Variants in DIPK1C observed in about 807,000 individuals in gnomAD.
The protein encoded by DIPK1C is divergent protein kinase domain 1C.
In DIPK1C, 33 loss-of-function variants were observed where a neutral mutation model predicts 28.0. That is an observed-to-expected ratio of 1.18 (90% CI 0.89 to 1.58). DIPK1C has a LOEUF of 1.58. Among genes scored for constraint, DIPK1C ranks in the 40% most tolerant of loss-of-function variants. The probability of loss-of-function intolerance (pLI) is 0.00; values close to 1 mark genes in which losing one functional copy is unlikely to be tolerated. For missense variants in DIPK1C, 569 were observed against 568.5 expected (o/e 1.00, Z -0.01); for synonymous variants, 255 against 248.8 (o/e 1.02, Z -0.23).
the DIPK1C span, among the ~76,000 whole-genome samples, chr18:74,464,024 G>T: frequency 6.6e-6 from 1 of 152,130 alleles, no homozygotes; most frequent in Non-Finnish European, 1.5e-5. Flanking sequence ...AGGATCAGGT[G>T]GTTACTAAAG....
chr18:74,435,557 G>A lies in DIPK1C; in HGVS notation c.*944C>T, dbSNP rs2144507103. ...GCTCTACTTTAAATTTTCTCTGAAG[G>A]TGAAGACAATGCTGCATCAAGCCAA... On this transcript the variant is annotated 3_prime_UTR_variant, in exon 4 of 4. Coordinates refer to ENST00000343998, the MANE Select transcript of DIPK1C (RefSeq NM_001044369.3). The A allele has an allele frequency of 6.6e-6, 1 of 152,284 alleles. No homozygotes were observed. Among genetic ancestry groups the A allele is most frequent in the Non-Finnish European group, 1.5e-5 (1 of 68,026 alleles). 9.4% of individuals were successfully genotyped at this position (152,284 alleles called of 1,614,324 possible).
chr18:74,463,012 G>T, the DIPK1C span, among the ~76,000 whole-genome samples: 1 of 152,170 alleles, frequency 6.6e-6, no homozygotes, highest in African/African-American at 2.4e-5. Context: ...TGACCTAGTG[G>T]CAAGAGCCTG....
chr18:74,437,952 T>C (rs1599034194), intron 3 of DIPK1C, among the ~76,000 whole-genome samples: 3 of 152,332 alleles, frequency 2.0e-5, no homozygotes, highest in Admixed American at 2.0e-4. Flanking sequence ...AGTGCAGTGG[T>C]GCCATCTTGG....
chr18:74,451,244 G>C (rs1986390947), intron 1 of DIPK1C, among the ~76,000 whole-genome samples: 1 of 152,212 alleles, frequency 6.6e-6, no homozygotes, highest in Non-Finnish European at 1.5e-5. Context: ...CCTGGGAGGA[G>C]AGGGCACAGT....
At chr18:74,438,985 G>A (rs965301354) in intron 3 of DIPK1C, among the ~76,000 whole-genome samples, 2 of 152,194 alleles carry the variant, frequency 1.3e-5, no homozygotes, top group African/African-American at 4.8e-5. Flanking sequence ...AGGGAATAAG[G>A]CCCCTTCCAC....
intron 3 of DIPK1C, among the ~76,000 whole-genome samples, chr18:74,440,781 T>C (rs751966592): frequency 1.3e-5 from 2 of 152,180 alleles, no homozygotes; most frequent in Non-Finnish European, 2.9e-5. Flanking sequence ...CGCAAGGCGG[T>C]GGATGCTCAG....
upstream of DIPK1C, among the ~76,000 whole-genome samples, chr18:74,458,326 G>A (rs1599044697): frequency 6.6e-6 from 1 of 152,156 alleles, no homozygotes; most frequent in South Asian, 2.1e-4. Flanking sequence ...GCCCATCCCG[G>A]ATCGCTCTCC....
At chr18:74,440,054 C>A (rs1986086075) in intron 3 of DIPK1C, among the ~76,000 whole-genome samples, 1 of 151,634 alleles carries the variant, frequency 6.6e-6, no homozygotes, top group African/African-American at 2.4e-5. Context: ...ACGCCATTCT[C>A]CTGCCTCAGC....
chr18:74,440,403 T>A (rs1186723110), intron 3 of DIPK1C, among the ~76,000 whole-genome samples: 1 of 152,168 alleles, frequency 6.6e-6, no homozygotes, highest in Non-Finnish European at 1.5e-5. Flanking sequence ...AACAGCCACA[T>A]CCCCTCAAGA....
chr18:74,439,788 T>G (rs1986077667), intron 3 of DIPK1C, among the ~76,000 whole-genome samples: 1 of 152,112 alleles, frequency 6.6e-6, no homozygotes, highest in Non-Finnish European at 1.5e-5. Flanking sequence ...CCACTGCACT[T>G]TGGCCTGGGT....
chr18:74,456,431 T>C (rs901818435), intron 1 of DIPK1C, among the ~76,000 whole-genome samples: 10 of 152,232 alleles, frequency 6.6e-5, no homozygotes, highest in African/African-American at 2.4e-4. Context: ...CCCGGGATCC[T>C]CCCGGTCCCA....
In DIPK1C at chr18:74,457,173, G is replaced by A. The variant is rs963942815; in HGVS notation, c.87C>T (p.Ala29=). ...CCAGCACCCAGCCCGCGGTCCACGC[G>A]GCGAAGGCGAGGAGCGTGCCCCGCC... ...RCGRGTLLAF[A]AWTAGWVLAA... The change falls in exon 1 of 4, where the codon GCC becomes GCT. Residue 29 remains alanine, a synonymous_variant. Coordinates refer to ENST00000343998, the MANE Select transcript of DIPK1C (RefSeq NM_001044369.3). 16 of 1,364,048 alleles carry A rather than the reference G, an allele frequency of 1.2e-5. No homozygotes were observed. Among genetic ancestry groups the A allele is most frequent in the Non-Finnish European group, 1.5e-5 (16 of 1,061,926 alleles). 84.5% of individuals were successfully genotyped at this position (1,364,048 alleles called of 1,614,324 possible). A position where few individuals can be genotyped will look rare whatever the true frequency, so the allele number is the denominator to read the frequency against.
At position 74,436,703 on chromosome 18, in the gene DIPK1C, AT is replaced by A; in HGVS notation, c.1057del (p.Ile353TyrfsTer59). ...AGGCGCGGAAAACCAATGGCGAAATATTTTGTCACAGATGACCTGAGGGAAA... is the reference window on the plus strand; with the variant it reads ...AGGCGCGGAAAACCAATGGCGAAATATTTGTCACAGATGACCTGAGGGAAA... ...NNNLQVICDK[I>X]FRHWFSAPLK... is the part of the protein sequence containing the mutation. On this transcript the variant is annotated frameshift_variant, in exon 4 of 4. Coordinates refer to ENST00000343998, the MANE Select transcript of DIPK1C (RefSeq NM_001044369.3). LOFTEE classifies it low-confidence loss of function (END_TRUNC). The A allele has an allele frequency of 6.2e-7, 1 of 1,612,884 alleles. No homozygotes were observed. Among genetic ancestry groups the A allele is most frequent in the Non-Finnish European group, 8.5e-7 (1 of 1,179,500 alleles).
intron 1 of DIPK1C, among the ~76,000 whole-genome samples, chr18:74,456,604 G>T (rs1986519016): frequency 6.6e-6 from 1 of 152,212 alleles, no homozygotes; most frequent in African/African-American, 2.4e-5. Flanking sequence ...GCTCAGGGTG[G>T]AATCACAGAA....
rs1986307906 is a variant in DIPK1C at position 74,447,823 on chromosome 18, C to T, written c.199-540G>A. Among the ~76,000 whole-genome samples, 1 of 152,276 alleles carries T rather than the reference C, an allele frequency of 6.6e-6. No homozygotes were observed. Among genetic ancestry groups the T allele is most frequent in the Admixed American group, 6.5e-5 (1 of 15,292 alleles). Reference sequence around the variant, plus strand: ...TGTTTTCCACATGAAATGGAGTGCCCTATAAAGCTTGCAGGCTGCAGGTTT... The same window carrying T: ...TGTTTTCCACATGAAATGGAGTGCCTTATAAAGCTTGCAGGCTGCAGGTTT... On this transcript the variant is annotated intron_variant, in intron 1 of 3. Transcript: ENST00000343998. This position sits in a 1 kb window ranked among gnomAD's most constrained non-coding sequence, Gnocchi z 4.1.
chr18:74,440,623 C>G (rs185847768), intron 3 of DIPK1C, among the ~76,000 whole-genome samples: 6 of 152,284 alleles, frequency 3.9e-5, no homozygotes, highest in Non-Finnish European at 7.4e-5. Flanking sequence ...GTTGTGTATT[C>G]GGTGTCTGTT....
At chr18:74,457,018 C>A (rs1335218496) in intron 1 of DIPK1C, 44 bp downstream of exon 1, 7 of 1,378,496 alleles carry the variant, frequency 5.1e-6, no homozygotes, top group Non-Finnish European at 1.9e-6. Context: ...GTGATCCCCC[C>A]TCCCCGGACG....
intron 1 of DIPK1C, among the ~76,000 whole-genome samples, chr18:74,450,062 C>T (rs773565412): frequency 5.3e-5 from 8 of 151,776 alleles, no homozygotes; most frequent in African/African-American, 9.7e-5. Context: ...GAGGTGAGGA[C>T]GAATGATAAG....
intron 1 of DIPK1C, among the ~76,000 whole-genome samples, chr18:74,449,094 G>A (rs574456809): frequency 6.6e-6 from 1 of 151,822 alleles, no homozygotes; most frequent in Non-Finnish European, 1.5e-5. Flanking sequence ...GGGCAACAGA[G>A]CAAGAATCTG....
Sources: allele counts gnomAD v4.1 joint callset (sites outside exome capture counted in the v4.1 genomes callset), GRCh38; gene constraint gnomAD v4.1.1; non-coding constraint Gnocchi (gnomAD v3.1); transcripts MANE v1.5; gene names NCBI Gene and HGNC (gene_info 2026-07-23, HGNC 2026-07-21).